Variants in TBL1X observed in about 807,000 individuals in gnomAD.
The protein encoded by TBL1X is F-box-like/WD repeat-containing protein TBL1X.
Under a neutral mutation model 50.7 loss-of-function variants are expected in TBL1X, and 10 were observed. That is an observed-to-expected ratio of 0.20 (90% confidence interval 0.12 to 0.33). The LOEUF (loss-of-function observed/expected upper bound fraction) is 0.33, where lower values mean the gene tolerates loss of function less well. Ranked by LOEUF, TBL1X falls within the 10% of genes least tolerant of loss-of-function variation. The pLI, the probability that TBL1X is intolerant of heterozygous loss-of-function variation, is 1.00. For missense variants in TBL1X, 340 were observed against 504.4 expected, an observed-to-expected ratio of 0.67 and a Z score of 3.12; for synonymous variants, 190 against 214.7, an observed-to-expected ratio of 0.88 and a Z score of 1.01.
intron 6 of TBL1X, among the ~76,000 whole-genome samples, chrX:9,686,465 A>C (rs1208853336): frequency 8.9e-6 from 1 of 112,596 alleles, no homozygotes; most frequent in Non-Finnish European, 1.9e-5. Flanking sequence ...TGGGAAGCCA[A>C]GGCAGGAGGG....
intron 1 of TBL1X, among the ~76,000 whole-genome samples, chrX:9,484,676 GTTGT>G (rs779836281): frequency 9.1e-6 from 1 of 110,255 alleles, no homozygotes; most frequent in African/African-American, 3.3e-5. Flanking sequence ...GAATGTTTGG[GTTGT>G]TTGTTTTTTA....
intron 2 of TBL1X, among the ~76,000 whole-genome samples, chrX:9,560,276 C>T (rs5979117): frequency 0.014 from 1,591 of 112,198 alleles, 22 homozygotes; most frequent in African/African-American, 0.049. Flanking sequence ...GTTCAGTTAT[C>T]CTCTCTGTAC....
At chrX:9,590,736 A>G (rs2082495546) in intron 2 of TBL1X, among the ~76,000 whole-genome samples, 1 of 111,052 alleles carries the variant, frequency 9.0e-6, no homozygotes, top group Admixed American at 9.6e-5. Context: ...TTGGTTGTTT[A>G]TTGCTTTGAT....
chrX:9,579,085 ATGTGTGAAGTACCC>A (rs1248281806), intron 2 of TBL1X, among the ~76,000 whole-genome samples: 2 of 111,723 alleles, frequency 1.8e-5, no homozygotes, highest in Non-Finnish European at 3.8e-5. Flanking sequence ...ATATCTGTGA[ATGTGTGAAGTACCC>A]TGTGTGCCAG....
chrX:9,582,898 G>A (rs1192639631), intron 2 of TBL1X, among the ~76,000 whole-genome samples: 1 of 112,404 alleles, frequency 8.9e-6, no homozygotes, highest in East Asian at 2.8e-4. Context: ...CGTGTCACGA[G>A]CTTGTCTCAT....
At chrX:9,697,865 C>G (rs2083142037) in intron 12 of TBL1X, among the ~76,000 whole-genome samples, 1 of 112,273 alleles carries the variant, frequency 8.9e-6, no homozygotes, top group Admixed American at 9.4e-5. Context: ...AGGAGGGTCA[C>G]TTGAGCCCAG....
At chrX:9,555,601 A>C (rs1569053948) in intron 2 of TBL1X, among the ~76,000 whole-genome samples, 1 of 111,062 alleles carries the variant, frequency 9.0e-6, no homozygotes, top group Non-Finnish European at 1.9e-5. Context: ...GCTATGTTTA[A>C]CTTTTTGAGG....
intron 2 of TBL1X, among the ~76,000 whole-genome samples, 157 bp downstream of exon 2, chrX:9,502,006 T>C (rs1017498491): frequency 8.9e-6 from 1 of 112,305 alleles, no homozygotes; most frequent in Non-Finnish European, 1.9e-5. Context: ...ATTTCCAGTA[T>C]GGTAGCCATG....
rs183816797 is a variant in TBL1X at position 9,661,699 on chromosome X, G to T, written c.211+7377G>T. ...GCACAGAGATAAAAGGCTGTGCTGAGCGCCCACCAACACGCAGCGAGGTTA... is the reference window on the plus strand; with the variant it reads ...GCACAGAGATAAAAGGCTGTGCTGATCGCCCACCAACACGCAGCGAGGTTA... On this transcript the variant is annotated intron_variant, in intron 5 of 17. Transcript: ENST00000645353. Among the ~76,000 whole-genome samples, 116 of 111,236 alleles carry T rather than the reference G, an allele frequency of 1.0e-3. 1 individual carries two copies. Among genetic ancestry groups the T allele is most frequent in the African/African-American group, 3.4e-3 (104 of 30,655 alleles).
At chrX:9,543,722 T>G (rs1476742078) in intron 2 of TBL1X, among the ~76,000 whole-genome samples, 1 of 112,290 alleles carries the variant, frequency 8.9e-6, no homozygotes, top group African/African-American at 3.2e-5. Context: ...TCTAAAGTCT[T>G]CTTTGTGCCA....
In TBL1X at chrX:9,717,250, GA is replaced by G. The variant is rs894165686; in HGVS notation, c.*1013del. The G allele has an allele frequency of 6.4e-5, 7 of 108,855 alleles. No homozygotes were observed. Among genetic ancestry groups the G allele is most frequent in the East Asian group, 2.9e-4 (1 of 3,491 alleles). The allele number at this position is 108,855 out of a possible 1,213,427, so 9.0% of individuals were successfully genotyped here. On this transcript the variant is annotated 3_prime_UTR_variant, in exon 18 of 18. Coordinates refer to ENST00000645353, the MANE Select transcript of TBL1X (RefSeq NM_005647.4). ...AGAGAAAGAGCCTGGAGTATTTTTGGAAAAAAAAATAATATTTTTATGTTAA... is the reference window on the plus strand; with the variant it reads ...AGAGAAAGAGCCTGGAGTATTTTTGGAAAAAAAATAATATTTTTATGTTAA...
intron 2 of TBL1X, among the ~76,000 whole-genome samples, chrX:9,632,159 G>C (rs1221251977): frequency 8.9e-6 from 1 of 112,068 alleles, no homozygotes; most frequent in African/African-American, 3.2e-5. Flanking sequence ...ATTGTGTCTT[G>C]TTGGGGTTTT....
chrX:9,652,966 A>G (rs2082844506), intron 3 of TBL1X, among the ~76,000 whole-genome samples: 1 of 111,483 alleles, frequency 9.0e-6, no homozygotes, highest in African/African-American at 3.3e-5. Flanking sequence ...GGAGATCGAG[A>G]CCATCCTGGC....
intron 1 of TBL1X, among the ~76,000 whole-genome samples, chrX:9,485,809 AG>A (rs1005126621): frequency 3.6e-5 from 4 of 112,317 alleles, no homozygotes; most frequent in Admixed American, 9.4e-5. Context: ...AATTCACGAA[AG>A]GGGGCCAATT....
rs143155776 is a variant in TBL1X at position 9,692,776 on chromosome X, G to A, written c.892-373G>A. 3.6e-3 allele frequency among the ~76,000 whole-genome samples: 405 copies of A among 112,582 alleles called. 1 individual carries two copies. The highest frequency in any genetic ancestry group is 0.013 in the African/African-American group (391 of 30,988). On this transcript the variant is annotated intron_variant, in intron 9 of 17. Transcript: ENST00000645353. ...GCAGTGAGCTGTGTATTCAGTAGCC[G>A]TATCTTTGCACGTGAGCATGCCTTA...
intron 2 of TBL1X, among the ~76,000 whole-genome samples, chrX:9,544,747 G>A (rs2082233108): frequency 9.1e-6 from 1 of 109,375 alleles, no homozygotes; most frequent in Non-Finnish European, 1.9e-5. Context: ...GTAATTTTTT[G>A]TACAGACAGG....
chrX:9,467,922 G>C (rs1164369403), intron 1 of TBL1X, among the ~76,000 whole-genome samples: 3 of 112,411 alleles, frequency 2.7e-5, no homozygotes, highest in African/African-American at 9.7e-5. Flanking sequence ...TAAGGAGTCC[G>C]CCGGGCTGCT....
At chrX:9,693,087 C>T (rs1312489317) in intron 9 of TBL1X, 62 bp from the exon 10 acceptor site, 10 of 1,163,370 alleles carry the variant, frequency 8.6e-6, no homozygotes, top group Non-Finnish European at 1.2e-5. Flanking sequence ...GCTCTCCGAG[C>T]TGCTTCGGTG....
At chrX:9,508,853 C>T (rs2082039298) in intron 2 of TBL1X, among the ~76,000 whole-genome samples, 1 of 110,622 alleles carries the variant, frequency 9.0e-6, no homozygotes, top group Admixed American at 9.7e-5. Flanking sequence ...CCAAACACCG[C>T]ATATTCTCAC....
Sources: allele counts gnomAD v4.1 joint callset (sites outside exome capture counted in the v4.1 genomes callset), GRCh38; gene constraint gnomAD v4.1.1; transcripts MANE v1.5; gene names NCBI Gene and HGNC (gene_info 2026-07-23, HGNC 2026-07-21).